Variants in PARD3B observed in about 807,000 individuals in gnomAD.
PARD3B encodes the protein partitioning defective 3 homolog B.
In PARD3B, 103 loss-of-function variants were observed where a neutral mutation model predicts 130.2. The observed-to-expected ratio is 0.79, with a 90% CI of 0.67 to 0.93. The LOEUF is 0.93. Among genes scored for constraint, PARD3B ranks in the 40% least tolerant of loss-of-function variants. The probability of loss-of-function intolerance (pLI) is 0.00; values close to 1 mark genes in which losing one functional copy is unlikely to be tolerated. For missense variants in PARD3B, 1,609 were observed against 1,499.2 expected (o/e 1.07, Z -1.21); for synonymous variants, 583 against 553.2 (o/e 1.05, Z -0.76).
At chr2:205,062,472 A>G (rs889402117) in intron 4 of PARD3B, among the ~76,000 whole-genome samples, 2 of 152,092 alleles carry the variant, frequency 1.3e-5, no homozygotes, top group Non-Finnish European at 2.9e-5. Context: ...AGAGTGATTT[A>G]TAATTCTGTC....
chr2:204,577,384 G>C (rs1231968822), intron 1 of PARD3B, among the ~76,000 whole-genome samples: 3 of 152,180 alleles, frequency 2.0e-5, no homozygotes, highest in Non-Finnish European at 4.4e-5. Flanking sequence ...CTGAGTCTTA[G>C]AGGTTTAGTA....
chr2:204,549,843 G>A (rs1272328646), intron 1 of PARD3B, among the ~76,000 whole-genome samples: 2 of 152,074 alleles, frequency 1.3e-5, no homozygotes, highest in Non-Finnish European at 2.9e-5. Flanking sequence ...AACCTTTTAA[G>A]TGTCTTTCAC....
At chr2:205,390,653 TC>T (rs1427376030) in intron 18 of PARD3B, among the ~76,000 whole-genome samples, 2 of 152,296 alleles carry the variant, frequency 1.3e-5, no homozygotes, top group East Asian at 3.9e-4. Context: ...GTGCCCTGTT[TC>T]TCTTAACATC....
At chr2:205,504,554 AC>A (rs2050278302) in intron 21 of PARD3B, among the ~76,000 whole-genome samples, 1 of 152,386 alleles carries the variant, frequency 6.6e-6, no homozygotes, top group African/African-American at 2.4e-5. Context: ...CAAGAAAAAA[AC>A]AACCCCATCA....
intron 15 of PARD3B, among the ~76,000 whole-genome samples, chr2:205,209,595 T>C (rs1559545295): frequency 6.6e-6 from 1 of 151,240 alleles, no homozygotes. Flanking sequence ...ATAATTAAAA[T>C]ATACAATTAA....
intron 2 of PARD3B, among the ~76,000 whole-genome samples, chr2:204,788,377 C>T (rs1447455972): frequency 6.6e-6 from 1 of 152,210 alleles, no homozygotes; most frequent in Non-Finnish European, 1.5e-5. Context: ...GAGGCATAGA[C>T]CTCACATTGT....
At chr2:204,868,393 A>G (rs2045507102) in intron 2 of PARD3B, among the ~76,000 whole-genome samples, 1 of 152,180 alleles carries the variant, frequency 6.6e-6, no homozygotes, top group Non-Finnish European at 1.5e-5. Flanking sequence ...TATAATTTAC[A>G]TATGTTCCCA....
intron 2 of PARD3B, among the ~76,000 whole-genome samples, chr2:204,836,398 C>G (rs2044032054): frequency 6.6e-6 from 1 of 152,108 alleles, no homozygotes; most frequent in African/African-American, 2.4e-5. Flanking sequence ...CATGGTGGCT[C>G]AGGCTTGTAA....
chr2:204,593,930 G>C (rs1042650726), intron 1 of PARD3B, among the ~76,000 whole-genome samples: 3 of 152,122 alleles, frequency 2.0e-5, no homozygotes, highest in African/African-American at 7.2e-5. Flanking sequence ...ACACTAAGGA[G>C]TTCCACAGTT....
At chr2:204,950,024 T>C (rs557178505) in intron 2 of PARD3B, among the ~76,000 whole-genome samples, 1 of 152,306 alleles carries the variant, frequency 6.6e-6, no homozygotes, top group South Asian at 2.1e-4. Flanking sequence ...ATGATTACAA[T>C]AATAGCTAGC....
chr2:204,853,908 G>T (rs2044812825), intron 2 of PARD3B, among the ~76,000 whole-genome samples: 1 of 152,196 alleles, frequency 6.6e-6, no homozygotes, highest in Admixed American at 6.6e-5. Flanking sequence ...AAAGGAGTTA[G>T]AGAGGATAGA....
At chr2:205,553,244 C>T (rs1037386168) in intron 21 of PARD3B, 80 bp from the exon 22 acceptor site, 6 of 1,351,788 alleles carry the variant, frequency 4.4e-6, no homozygotes, top group Non-Finnish European at 5.2e-6. Flanking sequence ...CATTTGTGCA[C>T]TGATTATAAT....
chr2:204,771,791 A>G (rs1205178834), intron 2 of PARD3B, among the ~76,000 whole-genome samples: 1 of 152,058 alleles, frequency 6.6e-6, no homozygotes, highest in African/African-American at 2.4e-5. Context: ...TTTTTATATC[A>G]TTGATGCTTG....
At chr2:204,616,659 C>T (rs1194776793) in intron 1 of PARD3B, among the ~76,000 whole-genome samples, 3 of 152,214 alleles carry the variant, frequency 2.0e-5, no homozygotes, top group Non-Finnish European at 4.4e-5. Context: ...ACACAAAAAT[C>T]TGCACATGTA....
intron 19 of PARD3B, among the ~76,000 whole-genome samples, chr2:205,418,061 A>G (rs73053980): frequency 0.011 from 1,656 of 152,156 alleles, 35 homozygotes; most frequent in African/African-American, 0.038. Flanking sequence ...TTACTTGGTC[A>G]CTTCAGTGGA....
At chr2:205,475,754 C>A (rs1490021723) in intron 20 of PARD3B, among the ~76,000 whole-genome samples, 1 of 152,156 alleles carries the variant, frequency 6.6e-6, no homozygotes, top group Admixed American at 6.6e-5. Flanking sequence ...AGCGTTGACT[C>A]CAGAAGCCTG....
At chr2:204,757,252 A>T (rs2040716293) in intron 2 of PARD3B, among the ~76,000 whole-genome samples, 1 of 152,110 alleles carries the variant, frequency 6.6e-6, no homozygotes. Flanking sequence ...TGGTAGAATG[A>T]TTTATTTTCC....
intron 11 of PARD3B, among the ~76,000 whole-genome samples, chr2:205,164,938 G>A (rs1037903725): frequency 3.6e-5 from 2 of 55,838 alleles, no homozygotes; most frequent in African/African-American, 2.1e-4. Flanking sequence ...ATATACACAC[G>A]TTTTTGTTCT....
chr2:204,862,471 C>T (rs13026487), intron 2 of PARD3B, among the ~76,000 whole-genome samples: 2,159 of 152,266 alleles, frequency 0.014, 21 homozygotes, highest in Non-Finnish European at 0.024. Context: ...GATTATCAAG[C>T]ACTTGATACC....
Sources: allele counts gnomAD v4.1 joint callset (sites outside exome capture counted in the v4.1 genomes callset), GRCh38; gene constraint gnomAD v4.1.1; transcripts MANE v1.5; gene names NCBI Gene and HGNC (gene_info 2026-07-23, HGNC 2026-07-21).